The following MPP7 variants were observed in gnomAD, a reference collection of about 807,000 sequenced individuals.
The protein encoded by MPP7 is MAGUK p55 scaffold protein 7, also known as MAGUK p55 subfamily member 7.
Under a neutral mutation model 76.5 loss-of-function variants are expected in MPP7, and 60 were observed. The observed-to-expected ratio is 0.78, with a 90% CI of 0.64 to 0.97. The LOEUF is 0.97. MPP7 is among the 50% of genes least tolerant of loss of function. The pLI is 0.00. For missense variants in MPP7, 641 were observed against 694.0 expected, an observed-to-expected ratio of 0.92 and a Z score of 0.86; for synonymous variants, 237 against 244.5, an observed-to-expected ratio of 0.97 and a Z score of 0.29.
chr10:28,206,616 A>G (rs905379674), intron 2 of MPP7, among the ~76,000 whole-genome samples: 2 of 152,162 alleles, frequency 1.3e-5, no homozygotes, highest in Non-Finnish European at 2.9e-5. Context: ...TGTTTTATTT[A>G]AATTATTTAC....
chr10:28,169,915 C>A (rs1836623067), intron 3 of MPP7, among the ~76,000 whole-genome samples: 1 of 152,194 alleles, frequency 6.6e-6, no homozygotes, highest in Admixed American at 6.5e-5. Flanking sequence ...TATCCCCACT[C>A]TCCCTTATCT....
intron 1 of MPP7, among the ~76,000 whole-genome samples, chr10:28,268,093 T>C (rs898792219): frequency 1.3e-5 from 2 of 151,926 alleles, no homozygotes; most frequent in African/African-American, 4.8e-5. Flanking sequence ...TAAAATTAAA[T>C]AAATGAAGAA....
At chr10:28,192,059 C>G (rs765165397) in intron 3 of MPP7, among the ~76,000 whole-genome samples, 1 of 151,776 alleles carries the variant, frequency 6.6e-6, no homozygotes, top group Non-Finnish European at 1.5e-5. Context: ...CAGAGGCAGC[C>G]TGGGTGACAA....
chr10:28,209,717 G>A (rs1838069082), intron 2 of MPP7, among the ~76,000 whole-genome samples: 1 of 152,172 alleles, frequency 6.6e-6, no homozygotes, highest in Admixed American at 6.5e-5. Flanking sequence ...AGCTCAGGTG[G>A]AGCACTAGGC....
At chr10:28,187,755 G>A (rs1837284850) in intron 3 of MPP7, among the ~76,000 whole-genome samples, 3 of 152,114 alleles carry the variant, frequency 2.0e-5, no homozygotes. Flanking sequence ...GATGCTTTTT[G>A]TTGCTTCTAG....
intron 2 of MPP7, among the ~76,000 whole-genome samples, chr10:28,226,627 T>C (rs1838700554): frequency 6.6e-6 from 1 of 152,096 alleles, no homozygotes; most frequent in Non-Finnish European, 1.5e-5. Context: ...GTGATGATCA[T>C]AAAACATTTT....
Position 28,147,467 on chromosome 10 carries a change from C to A in MPP7, c.315+16G>T. On this transcript the variant is annotated intron_variant, in intron 5 of 16. Transcript: ENST00000683449. ...CCTGTTTGAAGGTATTTATTACCGG[C>A]GTAACATGTCCTCACCTTCACATTG... The A allele has an allele frequency of 6.2e-7, 1 of 1,605,970 alleles. No homozygotes were observed. Among genetic ancestry groups the A allele is most frequent in the East Asian group, 2.2e-5 (1 of 44,828 alleles).
chr10:28,069,629 AC>A, intron 13 of MPP7, 142 bp downstream of exon 13: 7 of 482,120 alleles, frequency 1.5e-5, no homozygotes, highest in Admixed American at 7.3e-5. Flanking sequence ...CAAAAAAAAA[AC>A]TCACATGCCC....
chr10:28,296,724 T>C (rs756226972), intron 1 of MPP7, among the ~76,000 whole-genome samples: 11 of 152,158 alleles, frequency 7.2e-5, no homozygotes, highest in Non-Finnish European at 1.5e-4. Flanking sequence ...TTCTAGTAAA[T>C]AGAAAGACTA....
chr10:28,264,616 A>G (rs938755956), intron 1 of MPP7, among the ~76,000 whole-genome samples: 2 of 151,984 alleles, frequency 1.3e-5, no homozygotes, highest in African/African-American at 2.4e-5. Flanking sequence ...AAACGATCAA[A>G]GAAAAAGACA....
At chr10:28,316,805 C>A (rs1834324456) in intron 2 of MPP7, among the ~76,000 whole-genome samples, 1 of 152,194 alleles carries the variant, frequency 6.6e-6, no homozygotes, top group Admixed American at 6.6e-5. Flanking sequence ...GCAGCTCTTT[C>A]CTGTACGGCG....
intron 12 of MPP7, among the ~76,000 whole-genome samples, chr10:28,070,213 C>G (rs914549188): frequency 6.6e-6 from 1 of 152,002 alleles, no homozygotes; most frequent in Non-Finnish European, 1.5e-5. Flanking sequence ...CTGGCTAACA[C>G]GGTGAAACCC....
chr10:28,142,497 T>C (rs1217794829), intron 5 of MPP7, among the ~76,000 whole-genome samples: 2 of 152,136 alleles, frequency 1.3e-5, no homozygotes, highest in Non-Finnish European at 2.9e-5. Flanking sequence ...TTGGGAGGAC[T>C]AGGTGAGTGG....
At chr10:28,153,110 C>T (rs1365643370) in intron 3 of MPP7, among the ~76,000 whole-genome samples, 3 of 152,074 alleles carry the variant, frequency 2.0e-5, no homozygotes, top group Admixed American at 6.6e-5. Flanking sequence ...GAAAATCACC[C>T]GGCCATGATG....
chr10:28,285,794 A>G (rs1840777328), intron 1 of MPP7, among the ~76,000 whole-genome samples: 1 of 152,176 alleles, frequency 6.6e-6, no homozygotes, highest in Non-Finnish European at 1.5e-5. Context: ...AGAACAAAAG[A>G]ACATGTTAAA....
intron 11 of MPP7, among the ~76,000 whole-genome samples, chr10:28,113,334 G>A (rs1834562845): frequency 6.6e-6 from 1 of 152,072 alleles, no homozygotes; most frequent in Non-Finnish European, 1.5e-5. Context: ...GAGGTATACT[G>A]CTCTCCTCTC....
intron 3 of MPP7, among the ~76,000 whole-genome samples, chr10:28,165,071 C>A (rs993292088): frequency 2.0e-5 from 3 of 152,124 alleles, no homozygotes; most frequent in Non-Finnish European, 1.5e-5. Context: ...ATACCTATGG[C>A]TCCAAATGAA....
At chr10:28,161,106 G>A (rs1165594966) in intron 3 of MPP7, among the ~76,000 whole-genome samples, 2 of 152,164 alleles carry the variant, frequency 1.3e-5, no homozygotes, top group Non-Finnish European at 2.9e-5. Context: ...CATTGGCCCA[G>A]TGCTGCTATT....
chr10:28,226,260 T>C (rs570011413), intron 2 of MPP7, among the ~76,000 whole-genome samples: 29 of 104,538 alleles, frequency 2.8e-4, no homozygotes, highest in African/African-American at 1.2e-3. Context: ...AAAGTTAATT[T>C]TTTTTTTTTT....
Sources: allele counts gnomAD v4.1 joint callset (sites outside exome capture counted in the v4.1 genomes callset), GRCh38; gene constraint gnomAD v4.1.1; transcripts MANE v1.5; gene names NCBI Gene and HGNC (gene_info 2026-07-23, HGNC 2026-07-21).